The following MAP3K4 variants were observed in gnomAD, a reference collection of about 807,000 sequenced individuals.
MAP3K4 encodes the protein mitogen-activated protein kinase kinase kinase 4.
Under a neutral mutation model 185.6 loss-of-function variants are expected in MAP3K4, and 67 were observed. The ratio of observed to expected loss-of-function variants is 0.36; its 90% CI spans 0.30 to 0.44. MAP3K4 has a LOEUF of 0.44. Among genes scored for constraint, MAP3K4 ranks in the 20% least tolerant of loss-of-function variants. MAP3K4 has a pLI of 1.00. For synonymous variants in MAP3K4, 702 were observed against 710.4 expected, an observed-to-expected ratio of 0.99 and a Z score of 0.19; for missense variants, 1,551 against 1,995.1, an observed-to-expected ratio of 0.78 and a Z score of 4.24.
Position 161,109,893 on chromosome 6 carries a change from A to T in MAP3K4, c.4375A>T (p.Ile1459Leu). The T allele has an allele frequency of 6.2e-7, 1 of 1,614,112 alleles. No homozygotes were observed. Among genetic ancestry groups the T allele is most frequent in the Non-Finnish European group, 8.5e-7 (1 of 1,180,016 alleles). ...IAINVLHEHG[I>L]VHRDIKGANI... ...GATCAACGTCCTCCATGAGCATGGC[A>T]TAGTCCACCGTGACATTAAAGGTAA... The change falls in exon 23 of 27, where the codon ATA becomes TTA. Residue 1459 changes from isoleucine (I) to leucine (L), a missense_variant. By Grantham distance (5) the Ile-to-Leu change is conservative. Transcript: ENST00000392142. This position sits in a 1 kb window ranked among gnomAD's most constrained non-coding sequence, Gnocchi z 5.7.
At chr6:161,095,352 C>T (rs1005190366) in intron 15 of MAP3K4, among the ~76,000 whole-genome samples, 9 of 152,138 alleles carry the variant, frequency 5.9e-5, no homozygotes, top group Non-Finnish European at 4.4e-5. Context: ...GTGTTCCATA[C>T]GCAACAGGGG....
chr6:161,007,352 T>C lies in MAP3K4; in HGVS notation c.152+15269T>C, dbSNP rs1781637066. Among the ~76,000 whole-genome samples, 1 of 152,246 alleles carries C rather than the reference T, an allele frequency of 6.6e-6. No individual in the cohort carries two copies. The highest frequency in any genetic ancestry group is 6.5e-5 in the Admixed American group (1 of 15,292). On this transcript the variant is annotated intron_variant, in intron 1 of 26. Coordinates refer to ENST00000392142, the MANE Select transcript of MAP3K4 (RefSeq NM_005922.4). This position sits in a 1 kb window ranked among gnomAD's most constrained non-coding sequence, Gnocchi z 4.5. ...TGAAGAGGAGGGAGAAACTTAGGGTTTTATAAAACGTGGGAATTACTGAGG... is the reference window on the plus strand; with the variant it reads ...TGAAGAGGAGGGAGAAACTTAGGGTCTTATAAAACGTGGGAATTACTGAGG...
intron 1 of MAP3K4, among the ~76,000 whole-genome samples, chr6:161,027,503 T>C (rs1782730511): frequency 6.6e-6 from 1 of 152,142 alleles, no homozygotes. Context: ...ATCATGAACA[T>C]CCAGAAAAAT....
chr6:161,006,118 A>G (rs1297004696), intron 1 of MAP3K4, among the ~76,000 whole-genome samples: 1 of 152,170 alleles, frequency 6.6e-6, no homozygotes, highest in Non-Finnish European at 1.5e-5. Context: ...AACAATATAA[A>G]CTAGTATCAG....
chr6:161,109,838 T>A lies in MAP3K4; in HGVS notation c.4320T>A (p.Ile1440=). ...GGCTGGGACTTCAGGAACATGTGAT[T>A]AGGCTGTATTCAAAGCAGATCACCA... ...VSRLGLQEHV[I]RLYSKQITIA... is the part of the protein sequence containing the mutation. Residue 1440 remains isoleucine, a synonymous_variant, in exon 23 of 27, where the codon ATT becomes ATA. Transcript: ENST00000392142. This position sits in a 1 kb window ranked among gnomAD's most constrained non-coding sequence, Gnocchi z 5.7. 6.2e-7 allele frequency: 1 copy of A among 1,614,062 alleles called. No homozygotes were observed.
At position 161,097,780 on chromosome 6, in the gene MAP3K4, T is replaced by TG. The variant is rs1409004101; in HGVS notation, c.3525-497dup. The stretch of plus-strand genomic sequence containing the variant: ...TTGCTAGATAAGGACCACAGTTTTT[T>TG]GTTTTTTTTTTAAAGCTTTGAGGGG... On this transcript the variant is annotated intron_variant, in intron 16 of 26. Transcript: ENST00000392142. The surrounding 1 kb of genome is among the most constrained non-coding windows in gnomAD (Gnocchi z 4.9). 1.3e-4 allele frequency among the ~76,000 whole-genome samples: 9 copies of TG among 68,336 alleles called. No homozygotes were observed. In the East Asian group the frequency reaches 6.2e-3, roughly 47 times the overall value. 44.8% of individuals were successfully genotyped at this position (68,336 alleles called of 152,430 possible).
chr6:161,069,424 G>A (rs1033360024), intron 3 of MAP3K4, among the ~76,000 whole-genome samples: 2 of 152,148 alleles, frequency 1.3e-5, no homozygotes, highest in African/African-American at 4.8e-5. Context: ...GAGGCAGCAT[G>A]GGCAGCGAGG....
In MAP3K4 at chr6:161,108,642, T is replaced by G; in HGVS notation, c.4120-101T>G. 1.4e-6 allele frequency: 1 copy of G among 728,576 alleles called. No homozygotes were observed. The highest frequency in any genetic ancestry group is 1.7e-5 in the South Asian group (1 of 59,174). The allele number at this position is 728,576 out of a possible 1,614,324, so 45.1% of individuals were successfully genotyped here. A position where few individuals can be genotyped will look rare whatever the true frequency, so the allele number is the denominator to read the frequency against. ...GTTGTTTTTAATTGACAAATCATGA[T>G]TACATATATTTATGGGGTGCAAAAT... On this transcript the variant is annotated intron_variant, in intron 21 of 26. Transcript: ENST00000392142. This position sits in a 1 kb window ranked among gnomAD's most constrained non-coding sequence, Gnocchi z 5.7.
At chr6:160,997,374 T>G (rs1781047385) in intron 1 of MAP3K4, among the ~76,000 whole-genome samples, 1 of 152,344 alleles carries the variant, frequency 6.6e-6, no homozygotes, top group East Asian at 1.9e-4. Flanking sequence ...AGGATCATGA[T>G]GGTATCTGGC....
intron 2 of MAP3K4, among the ~76,000 whole-genome samples, chr6:161,036,344 C>G (rs577852878): frequency 1.3e-5 from 2 of 152,234 alleles, no homozygotes; most frequent in South Asian, 2.1e-4. Context: ...CACCAAAATC[C>G]TTAATAAGTT....
Position 161,007,941 on chromosome 6 carries a change from G to A in MAP3K4, c.152+15858G>A, listed in dbSNP as rs1310108649. Among the ~76,000 whole-genome samples, 3 of 152,130 alleles carry A rather than the reference G, an allele frequency of 2.0e-5. No individual in the cohort carries two copies. Among genetic ancestry groups the A allele is most frequent in the Non-Finnish European group, 4.4e-5 (3 of 68,002 alleles). Reference sequence around the variant, plus strand: ...ATGTTAAAATTAGGGAAAAACGTGTGTTTTAAAATCAGTGAAGTATGGCCT... The same window carrying A: ...ATGTTAAAATTAGGGAAAAACGTGTATTTTAAAATCAGTGAAGTATGGCCT... On this transcript the variant is annotated intron_variant, in intron 1 of 26. Coordinates refer to ENST00000392142, the MANE Select transcript of MAP3K4 (RefSeq NM_005922.4). The surrounding 1 kb of genome is among the most constrained non-coding windows in gnomAD (Gnocchi z 4.5).
At chr6:161,016,892 G>T (rs1167014863) in intron 1 of MAP3K4, among the ~76,000 whole-genome samples, 1 of 152,096 alleles carries the variant, frequency 6.6e-6, no homozygotes, top group African/African-American at 2.4e-5. Flanking sequence ...TTGCATGGAT[G>T]GTTTAAAGTA....
In MAP3K4 at chr6:161,022,770, A is replaced by G. The variant is rs555717682; in HGVS notation, c.153-11489A>G. Among the ~76,000 whole-genome samples, 9 of 152,266 alleles carry G rather than the reference A, an allele frequency of 5.9e-5. No homozygotes were observed. Among genetic ancestry groups the G allele is most frequent in the African/African-American group, 1.4e-4 (6 of 41,538 alleles). Reference sequence around the variant, plus strand: ...CCTCGCATGTAACAGAGCACCTCCCATCATCAATAAGAATTGACCTCCTGT... The same window carrying G: ...CCTCGCATGTAACAGAGCACCTCCCGTCATCAATAAGAATTGACCTCCTGT... On this transcript the variant is annotated intron_variant, in intron 1 of 26. Coordinates refer to ENST00000392142, the MANE Select transcript of MAP3K4 (RefSeq NM_005922.4). The surrounding 1 kb of genome is among the most constrained non-coding windows in gnomAD (Gnocchi z 4.2).
At chr6:161,045,520 G>A (rs1204524925) in intron 2 of MAP3K4, among the ~76,000 whole-genome samples, 1 of 152,128 alleles carries the variant, frequency 6.6e-6, no homozygotes, top group Non-Finnish European at 1.5e-5. Flanking sequence ...GGTCTAGGGT[G>A]AGAAGCTTCA....
At chr6:161,092,221 C>G (rs1191484364) in intron 13 of MAP3K4, 78 bp downstream of exon 13, 2 of 1,508,800 alleles carry the variant, frequency 1.3e-6, no homozygotes, top group African/African-American at 1.4e-5. Context: ...CTGTGGGATT[C>G]TTTTTGAGCA....
intron 3 of MAP3K4, among the ~76,000 whole-genome samples, chr6:161,065,166 G>C (rs1784652765): frequency 6.6e-6 from 1 of 152,212 alleles, no homozygotes; most frequent in Non-Finnish European, 1.5e-5. Context: ...CTGGGAGGCA[G>C]TGTAGAACTG....
chr6:161,060,918 C>A (rs1784460773), intron 3 of MAP3K4, among the ~76,000 whole-genome samples: 1 of 152,318 alleles, frequency 6.6e-6, no homozygotes, highest in South Asian at 2.1e-4. Context: ...CCGCGCCCGG[C>A]CACTGAGAAT....
rs929074714 is a variant in MAP3K4 at position 161,082,598 on chromosome 6, G to A, written c.2255+1560G>A. The stretch of plus-strand genomic sequence containing the variant: ...ACTGCATTTTATCTGTTGTATTAGA[G>A]CAGCAGCTCCGGCTTCAAACACTGT... On this transcript the variant is annotated intron_variant, in intron 6 of 26. Transcript: ENST00000392142. The surrounding 1 kb of genome is among the most constrained non-coding windows in gnomAD (Gnocchi z 4.2). 6.6e-6 allele frequency among the ~76,000 whole-genome samples: 1 copy of A among 152,086 alleles called. No homozygotes were observed. The highest frequency in any genetic ancestry group is 1.5e-5 in the Non-Finnish European group (1 of 68,018).
chr6:161,053,326 A>AC lies in MAP3K4; in HGVS notation c.1707+3352dup, dbSNP rs1583171340. ...AAACGGTCACCTCCCACCAGGCCCC[A>AC]CCCCCAACATTGGGGATTACTATTC... On this transcript the variant is annotated intron_variant, in intron 3 of 26. Transcript: ENST00000392142. The surrounding 1 kb of genome is among the most constrained non-coding windows in gnomAD (Gnocchi z 4.2). Among the ~76,000 whole-genome samples the AC allele has an allele frequency of 6.6e-6, 1 of 152,128 alleles. No individual in the cohort carries two copies. Among genetic ancestry groups the AC allele is most frequent in the Non-Finnish European group, 1.5e-5 (1 of 68,016 alleles).
Sources: gnomAD v4.1 joint callset for allele counts (sites outside exome capture counted in the v4.1 genomes callset) on GRCh38, gnomAD v4.1.1 for gene constraint, Gnocchi (gnomAD v3.1) non-coding constraint, MANE v1.5 for transcripts, NCBI Gene and HGNC (gene_info 2026-07-23, HGNC 2026-07-21) for gene names.